SLC25A26: variants seen among roughly 807,000 people sequenced by gnomAD.
SLC25A26 encodes the protein solute carrier family 25 member 26, also known as mitochondrial S-adenosylmethionine carrier protein.
Under a neutral mutation model 37.8 loss-of-function variants are expected in SLC25A26, and 36 were observed. The observed-to-expected ratio is 0.95, with a 90% CI of 0.73 to 1.26. The LOEUF is 1.26. Among genes scored for constraint, SLC25A26 ranks in the 50% most tolerant of loss-of-function variants. The probability of loss-of-function intolerance (pLI) is 0.00; values close to 1 mark genes in which losing one functional copy is unlikely to be tolerated. For missense variants in SLC25A26, 390 were observed against 331.1 expected (o/e 1.18, Z -1.38); for synonymous variants, 129 against 122.5 (o/e 1.05, Z -0.35).
intron 5 of SLC25A26, among the ~76,000 whole-genome samples, chr3:66,308,121 T>A (rs1346626822): frequency 2.0e-5 from 3 of 152,194 alleles, no homozygotes; most frequent in Non-Finnish European, 4.4e-5. Flanking sequence ...TATTGATTCT[T>A]CCTATCCATG....
At chr3:66,310,346 G>A (rs938463250) in intron 5 of SLC25A26, among the ~76,000 whole-genome samples, 8 of 151,904 alleles carry the variant, frequency 5.3e-5, no homozygotes, top group Non-Finnish European at 1.2e-4. Context: ...GCTTTCCATT[G>A]GCTTGGTAAA....
At chr3:66,236,751 C>T (rs1481736058) in intron 2 of SLC25A26, 51 bp downstream of exon 2, 2 of 1,403,190 alleles carry the variant, frequency 1.4e-6, no homozygotes, top group South Asian at 1.4e-5. Flanking sequence ...ATGGGATTTT[C>T]AGAATGGTGT....
intron 5 of SLC25A26, among the ~76,000 whole-genome samples, chr3:66,282,664 T>A (rs894739609): frequency 6.6e-6 from 1 of 152,216 alleles, no homozygotes; most frequent in African/African-American, 2.4e-5. Flanking sequence ...CCATTTCATA[T>A]ATTTACATCA....
Position 66,377,864 on chromosome 3 carries a change from C to T in SLC25A26, c.*57C>T. ...AAGAGAGGGGCCTGCAGTGCAAACC[C>T]TCTTCCGCTGAGCAGCTGTCTGAAC... is the stretch of plus-strand genomic sequence containing the variant. On this transcript the variant is annotated 3_prime_UTR_variant, in exon 10 of 10. Coordinates refer to ENST00000354883, the MANE Select transcript of SLC25A26 (RefSeq NM_001379210.1). The T allele has an allele frequency of 7.8e-7, 1 of 1,286,188 alleles. No individual in the cohort carries two copies. The highest frequency in any genetic ancestry group is 1.2e-5 in the South Asian group (1 of 84,100). The allele number at this position is 1,286,188 out of a possible 1,614,324, so 79.7% of individuals were successfully genotyped here.
chr3:66,224,785 C>T (rs574544733), intron 1 of SLC25A26, among the ~76,000 whole-genome samples: 2 of 152,300 alleles, frequency 1.3e-5, no homozygotes, highest in South Asian at 2.1e-4. Flanking sequence ...TTAATTACTT[C>T]CTAGATACAA....
intron 5 of SLC25A26, among the ~76,000 whole-genome samples, chr3:66,320,145 A>G (rs771339334): frequency 4.6e-5 from 7 of 152,170 alleles, no homozygotes; most frequent in South Asian, 4.1e-4. Flanking sequence ...TTTTTTAACA[A>G]TTTTAAGTGC....
intron 1 of SLC25A26, among the ~76,000 whole-genome samples, chr3:66,140,234 A>G (rs1415644769): frequency 6.6e-6 from 1 of 152,184 alleles, no homozygotes; most frequent in Non-Finnish European, 1.5e-5. Flanking sequence ...CAGGAATTAC[A>G]TCTCTTGACC....
intron 1 of SLC25A26, among the ~76,000 whole-genome samples, chr3:66,209,150 TAC>T (rs2071235673): frequency 1.2e-5 from 1 of 82,610 alleles, no homozygotes; most frequent in Non-Finnish European, 2.4e-5. Flanking sequence ...TATATATATA[TAC>T]CTATACTTTT....
chr3:66,264,917 C>G (rs1051106126), intron 5 of SLC25A26, among the ~76,000 whole-genome samples: 1 of 152,234 alleles, frequency 6.6e-6, no homozygotes, highest in Non-Finnish European at 1.5e-5. Context: ...CCTTCTAACT[C>G]TAAATTTCTG....
At chr3:66,215,824 T>C (rs1412138413) in intron 1 of SLC25A26, among the ~76,000 whole-genome samples, 1 of 152,220 alleles carries the variant, frequency 6.6e-6, no homozygotes, top group Admixed American at 6.5e-5. Flanking sequence ...TTCTAACTGT[T>C]GTCTTAATCC....
chr3:66,161,109 G>T (rs1465085066), intron 1 of SLC25A26, among the ~76,000 whole-genome samples: 2 of 151,766 alleles, frequency 1.3e-5, no homozygotes, highest in Non-Finnish European at 2.9e-5. Context: ...ATTATTGGGT[G>T]GTTGCAATTA....
At chr3:66,362,800 G>A in intron 6 of SLC25A26, 60 bp from the exon 7 acceptor site, 2 of 1,238,214 alleles carry the variant, frequency 1.6e-6, no homozygotes, top group South Asian at 1.5e-5. Context: ...CTAACCCACA[G>A]GAGGTTCCGA....
chr3:66,163,544 C>T (rs1361778096), intron 1 of SLC25A26, among the ~76,000 whole-genome samples: 1 of 152,162 alleles, frequency 6.6e-6, no homozygotes, highest in South Asian at 2.1e-4. Context: ...ACTATTTTGT[C>T]TAAGACAGAT....
intron 1 of SLC25A26, among the ~76,000 whole-genome samples, chr3:66,175,140 T>TATACAC (rs1413714739): frequency 4.3e-4 from 29 of 66,996 alleles, no homozygotes; most frequent in African/African-American, 1.9e-3. Flanking sequence ...TATATATATA[T>TATACAC]ACACACACAC....
intron 5 of SLC25A26, among the ~76,000 whole-genome samples, chr3:66,276,805 T>C (rs959229555): frequency 6.6e-5 from 10 of 152,032 alleles, no homozygotes; most frequent in South Asian, 6.2e-4. Flanking sequence ...TTTTTTTCCC[T>C]TTTTGAATAT....
chr3:66,173,914 G>C (rs140384350), intron 1 of SLC25A26, among the ~76,000 whole-genome samples: 3 of 152,082 alleles, frequency 2.0e-5, no homozygotes, highest in East Asian at 1.9e-4. Context: ...TTAGCTGGGC[G>C]TGGTGGCGCA....
intron 5 of SLC25A26, among the ~76,000 whole-genome samples, chr3:66,269,894 C>G (rs1380015339): frequency 6.6e-6 from 1 of 152,056 alleles, no homozygotes; most frequent in Non-Finnish European, 1.5e-5. Flanking sequence ...CGTGTAAATC[C>G]TCTTGAAAAC....
chr3:66,377,720 A>T lies in SLC25A26; in HGVS notation c.738A>T (p.Ala246=), dbSNP rs772324707. ...TTGCAGGTGTCTTCCCTCGAATGGC[A>T]GCCATCAGTCTGGGAGGTTTCATCT... is the stretch of plus-strand genomic sequence containing the variant. ...GLFAGVFPRM[A]AISLGGFIFL... The change falls in exon 10 of 10, where the codon GCA becomes GCT. Residue 246 remains alanine (A), a synonymous_variant. Coordinates refer to ENST00000354883, the MANE Select transcript of SLC25A26 (RefSeq NM_001379210.1). 1 of 1,613,850 alleles carries T rather than the reference A, an allele frequency of 6.2e-7. No individual in the cohort carries two copies. Among genetic ancestry groups the T allele is most frequent in the Non-Finnish European group, 8.5e-7 (1 of 1,179,832 alleles).
chr3:66,245,666 A>G (rs2072800265), intron 3 of SLC25A26, among the ~76,000 whole-genome samples: 1 of 152,200 alleles, frequency 6.6e-6, no homozygotes, highest in African/African-American at 2.4e-5. Context: ...TTTTTTCTTT[A>G]GGAAGTTTGA....
Sources: gnomAD v4.1 joint callset for allele counts (sites outside exome capture counted in the v4.1 genomes callset) on GRCh38, gnomAD v4.1.1 for gene constraint, MANE v1.5 for transcripts, NCBI Gene and HGNC (gene_info 2026-07-23, HGNC 2026-07-21) for gene names.